ANTXR2: variants seen among roughly 807,000 people sequenced by gnomAD.
ANTXR2 encodes the protein ANTXR cell adhesion molecule 2.
Under a neutral mutation model 73.7 loss-of-function variants are expected in ANTXR2, and 44 were observed. The ratio of observed to expected loss-of-function variants is 0.60; its 90% CI spans 0.47 to 0.77. The LOEUF is 0.77. Among genes scored for constraint, ANTXR2 ranks in the 30% least tolerant of loss-of-function variants. The probability of loss-of-function intolerance (pLI) is 0.00; values close to 1 mark genes in which losing one functional copy is unlikely to be tolerated. For synonymous variants in ANTXR2, 217 were observed against 205.9 expected (o/e 1.05, Z -0.46); for missense variants, 604 against 592.5 (o/e 1.02, Z -0.20).
At chr4:80,038,109 A>C (rs1733062647) in intron 7 of ANTXR2, among the ~76,000 whole-genome samples, 1 of 152,166 alleles carries the variant, frequency 6.6e-6, no homozygotes, top group African/African-American at 2.4e-5. Context: ...GGCAATAGAA[A>C]CCATTTCTCT....
At chr4:79,984,024 T>A in intron 13 of ANTXR2, 54 bp from the exon 14 acceptor site, 1 of 1,229,408 alleles carries the variant, frequency 8.1e-7, no homozygotes, top group Non-Finnish European at 1.1e-6. Context: ...AAATACTGTT[T>A]AGTCGGAACT....
rs370619047 is a variant in ANTXR2 at position 80,071,598 on chromosome 4, G to T, written c.209C>A (p.Ala70Glu). The T allele has an allele frequency of 8.7e-6, 14 of 1,612,226 alleles. No homozygotes were observed. The highest frequency in any genetic ancestry group is 1.3e-5 in the African/African-American group (1 of 74,856). Reference sequence around the variant, plus strand: ...AGAAAGATACCTCACAAATCTCTCCGCAAGTTGCTGTACGAAATTATAAAT... The same window carrying T: ...AGAAAGATACCTCACAAATCTCTCCTCAAGTTGCTGTACGAAATTATAAAT... ...IEIYNFVQQL[A>E]ERFVSPEMRL... The change falls in exon 2 of 17, where the codon GCG becomes GAG. Residue 70 changes from alanine to glutamate, a missense_variant. By Grantham distance (107) the Ala-to-Glu change is moderately radical (BLOSUM62 -1). Coordinates refer to ENST00000403729, the MANE Select transcript of ANTXR2 (RefSeq NM_058172.6).
chr4:80,031,713 G>A lies in ANTXR2; in HGVS notation c.797-21C>T, dbSNP rs758143046. On this transcript the variant is annotated intron_variant, in intron 9 of 16. Transcript: ENST00000403729. ...TACACCTAGAAAATAAAATGCCACTGAATTAGTAAAGGGTTTTATGCATCT... is the reference window on the plus strand; with the variant it reads ...TACACCTAGAAAATAAAATGCCACTAAATTAGTAAAGGGTTTTATGCATCT... 5.0e-6 allele frequency: 7 copies of A among 1,410,174 alleles called. No individual in the cohort carries two copies. In the African/African-American group the frequency reaches 7.5e-5, roughly 15 times the overall value. 87.4% of individuals were successfully genotyped at this position (1,410,174 alleles called of 1,614,324 possible).
chr4:80,009,247 G>A (rs930728870), intron 11 of ANTXR2, among the ~76,000 whole-genome samples: 4 of 152,176 alleles, frequency 2.6e-5, no homozygotes, highest in African/African-American at 9.6e-5. Flanking sequence ...CCAGCCTTAA[G>A]GCACCTACTC....
In ANTXR2 at chr4:79,907,288, G is replaced by A; in HGVS notation, c.*141C>T. ...TTTGGTGCAAGCAAAGCAGAAGGCA[G>A]AGAAAACATTTCCCGACTGAGAGGA... is the stretch of plus-strand genomic sequence containing the variant. On this transcript the variant is annotated 3_prime_UTR_variant, in exon 17 of 17. Coordinates refer to ENST00000403729, the MANE Select transcript of ANTXR2 (RefSeq NM_058172.6). 1 of 896,482 alleles carries A rather than the reference G, an allele frequency of 1.1e-6. No individual in the cohort carries two copies. The allele number at this position is 896,482 out of a possible 1,614,324, so 55.5% of individuals were successfully genotyped here. A position where few individuals can be genotyped will look rare whatever the true frequency, so the allele number is the denominator to read the frequency against.
At chr4:80,040,541 C>T (rs948581023) in intron 7 of ANTXR2, among the ~76,000 whole-genome samples, 2 of 151,992 alleles carry the variant, frequency 1.3e-5, no homozygotes, top group African/African-American at 4.8e-5. Flanking sequence ...ATGCTGTCAT[C>T]ATTATGTTTC....
At chr4:80,010,036 T>G (rs1731495700) in intron 11 of ANTXR2, among the ~76,000 whole-genome samples, 1 of 83,916 alleles carries the variant, frequency 1.2e-5, no homozygotes, top group African/African-American at 4.2e-5. Flanking sequence ...TAATAATGTT[T>G]TGTTTTGTGG....
chr4:79,931,446 TTCTTC>T lies in ANTXR2; in HGVS notation c.1429-23984_1429-23980del, dbSNP rs1292925576. On this transcript the variant is annotated intron_variant, in intron 16 of 16. Transcript: ENST00000403729. ...GTAAAATGTTCTAGGATTTCCTCGC[TTCTTC>T]TCTCTCTCTCTCTCTCTCTCTCTCT... 8.3e-4 allele frequency among the ~76,000 whole-genome samples: 106 copies of T among 127,218 alleles called. 1 individual carries two copies. The highest frequency in any genetic ancestry group is 2.7e-3 in the African/African-American group (98 of 36,864). 83.5% of individuals were successfully genotyped at this position (127,218 alleles called of 152,430 possible). A position where few individuals can be genotyped will look rare whatever the true frequency, so the allele number is the denominator to read the frequency against.
At chr4:79,984,069 T>C (rs1236926954) in intron 13 of ANTXR2, 99 bp from the exon 14 acceptor site, 5 of 865,720 alleles carry the variant, frequency 5.8e-6, no homozygotes, top group Non-Finnish European at 8.8e-6. Context: ...AATTATGTCA[T>C]TACTATGGAA....
Position 80,068,354 on chromosome 4 carries a change from C to CTCAT in ANTXR2, c.296+1078_296+1081dup, listed in dbSNP as rs556800378. Among the ~76,000 whole-genome samples the CTCAT allele has an allele frequency of 7.9e-5, 12 of 152,286 alleles. No homozygotes were observed. In the South Asian group the frequency reaches 2.1e-3, roughly 26 times the overall value. ...TTTATTTCAAAATAACAGGAAACCA[C>CTCAT]TCATTCATTCATTCAACAAGAATTT... On this transcript the variant is annotated intron_variant, in intron 3 of 16. Transcript: ENST00000403729.
In ANTXR2 at chr4:79,911,105, T is replaced by C. The variant is rs181631264; in HGVS notation, c.1429-3638A>G. On this transcript the variant is annotated intron_variant, in intron 16 of 16. Coordinates refer to ENST00000403729, the MANE Select transcript of ANTXR2 (RefSeq NM_058172.6). ...ATAACGCTAATTATGTTTAAGGTCA[T>C]GGATGTTTGGGCTGCCATTTATATT... Among the ~76,000 whole-genome samples the C allele has an allele frequency of 1.1e-3, 171 of 152,300 alleles. 2 individuals are homozygous for C. Among genetic ancestry groups the C allele is most frequent in the African/African-American group, 3.9e-3 (164 of 41,576 alleles).
intron 7 of ANTXR2, among the ~76,000 whole-genome samples, chr4:80,046,180 T>G (rs1733506632): frequency 6.6e-6 from 1 of 151,840 alleles, no homozygotes; most frequent in African/African-American, 2.4e-5. Context: ...CTGATTACAT[T>G]GTTGATGAAC....
chr4:79,978,670 CT>C (rs1264295674), intron 14 of ANTXR2, among the ~76,000 whole-genome samples: 2 of 152,220 alleles, frequency 1.3e-5, no homozygotes, highest in Admixed American at 1.3e-4. Flanking sequence ...CTATTTTCTT[CT>C]TTCCAGATGA....
chr4:80,019,090 G>T, intron 10 of ANTXR2, 114 bp from the exon 11 acceptor site: 1 of 683,154 alleles, frequency 1.5e-6, no homozygotes, highest in Middle Eastern at 4.2e-4. Context: ...AAGAGTAAGG[G>T]TCTCAAACTC....
At chr4:80,039,513 G>T (rs1438864637) in intron 7 of ANTXR2, among the ~76,000 whole-genome samples, 4 of 151,938 alleles carry the variant, frequency 2.6e-5, no homozygotes, top group Non-Finnish European at 5.9e-5. Context: ...CATACAAGTG[G>T]CCAACAAACA....
At chr4:80,049,243 GTTTTC>G (rs1733664115) in intron 7 of ANTXR2, among the ~76,000 whole-genome samples, 1 of 151,558 alleles carries the variant, frequency 6.6e-6, no homozygotes, top group Admixed American at 6.6e-5. Flanking sequence ...CCAATCTGTG[GTTTTC>G]TTTTATTTTT....
At chr4:79,934,821 C>A (rs975867592) in intron 16 of ANTXR2, among the ~76,000 whole-genome samples, 8 of 150,434 alleles carry the variant, frequency 5.3e-5, no homozygotes, top group Non-Finnish European at 1.0e-4. Context: ...ACAAAAAACT[C>A]CTCCAAGTAG....
chr4:79,956,820 A>C (rs1171077424), intron 16 of ANTXR2, among the ~76,000 whole-genome samples: 1 of 151,998 alleles, frequency 6.6e-6, no homozygotes, highest in East Asian at 1.9e-4. Context: ...AAGTATTGGA[A>C]ACCCAAGTTT....
At chr4:80,024,772 T>G in intron 10 of ANTXR2, 1 of 417,432 alleles carries the variant, frequency 2.4e-6, no homozygotes. Flanking sequence ...AAGAAAAAAC[T>G]GACAGTTAAG....
Sources: allele counts gnomAD v4.1 joint callset (sites outside exome capture counted in the v4.1 genomes callset), GRCh38; gene constraint gnomAD v4.1.1; transcripts MANE v1.5; gene names NCBI Gene and HGNC (gene_info 2026-07-23, HGNC 2026-07-21).